The following BRSK2 variants were observed in gnomAD, a reference collection of about 807,000 sequenced individuals.
The protein encoded by BRSK2 is BR serine/threonine kinase 2, also known as serine/threonine-protein kinase BRSK2.
In BRSK2, 19 loss-of-function variants were observed where a neutral mutation model predicts 83.3. The observed-to-expected ratio is 0.23, with a 90% CI of 0.16 to 0.33. The LOEUF (loss-of-function observed/expected upper bound fraction) is 0.33. BRSK2 is among the 10% of genes least tolerant of loss of function. The probability of loss-of-function intolerance (pLI) is 1.00; values close to 1 mark genes in which losing one functional copy is unlikely to be tolerated. For missense variants in BRSK2, 798 were observed against 1,042.3 expected (o/e 0.77, Z 3.23); for synonymous variants, 519 against 435.4 (o/e 1.19, Z -2.39).
At chr11:1,429,591 C>T (rs1849735254) in intron 1 of BRSK2, among the ~76,000 whole-genome samples, 2 of 142,844 alleles carry the variant, frequency 1.4e-5, no homozygotes, top group Non-Finnish European at 3.1e-5. Flanking sequence ...CAGTGAGCGT[C>T]TTCTGCGGTC....
At chr11:1,409,113 G>A (rs953141695) in intron 1 of BRSK2, among the ~76,000 whole-genome samples, 27 of 152,132 alleles carry the variant, frequency 1.8e-4, no homozygotes, top group Non-Finnish European at 2.6e-4. Context: ...TGTGTGTGCC[G>A]TCTGACCCTG....
At chr11:1,440,381 G>A (rs763839331) in intron 3 of BRSK2, among the ~76,000 whole-genome samples, 10 of 152,110 alleles carry the variant, frequency 6.6e-5, no homozygotes, top group Non-Finnish European at 1.3e-4. Flanking sequence ...CGGTGCCTGT[G>A]CCACTGAGGA....
rs1246221170 is a variant in BRSK2, at chr11:1,449,805, G to A, written c.1256G>A (p.Gly419Asp). Residue 419 changes from glycine (G) to aspartate (D), a missense_variant, in exon 13 of 20, where the codon GGC (glycine) becomes GAC (aspartate). Coordinates refer to ENST00000528841, the MANE Select transcript of BRSK2 (RefSeq NM_001256627.2). ...RSRSISGASS[G>D]LSTSPLSSPR... The stretch of plus-strand genomic sequence containing the variant: ...CGGTCCATCAGCGGTGCCTCCTCAG[G>A]CCTTTCCACCAGCCCACTCAGCAGC... The A allele has an allele frequency of 1.3e-5, 21 of 1,612,102 alleles. No homozygotes were observed. Among genetic ancestry groups the A allele is most frequent in the Non-Finnish European group, 1.7e-5 (20 of 1,179,528 alleles).
intron 12 of BRSK2, chr11:1,447,723 C>T: frequency 1.4e-6 from 2 of 1,412,762 alleles, no homozygotes; most frequent in South Asian, 1.2e-5. Flanking sequence ...CCCGGTGTGG[C>T]CCGGGCCCTG....
intron 1 of BRSK2, chr11:1,411,674 G>C: frequency 6.5e-7 from 1 of 1,533,006 alleles, no homozygotes. Context: ...CCCCTCGAGG[G>C]AGGAGTGTGT....
intron 1 of BRSK2, among the ~76,000 whole-genome samples, chr11:1,392,039 G>A (rs750654800): frequency 2.6e-5 from 4 of 152,214 alleles, no homozygotes; most frequent in African/African-American, 7.2e-5. Context: ...GGCACAAAGC[G>A]GCCCCTCTCT....
chr11:1,454,551 C>A lies in BRSK2; in HGVS notation c.1611C>A (p.Val537=). The A allele has an allele frequency of 6.2e-7, 1 of 1,613,246 alleles. No individual in the cohort carries two copies. The highest frequency in any genetic ancestry group is 8.5e-7 in the Non-Finnish European group (1 of 1,179,928). Residue 537 remains valine (V), a synonymous_variant, in exon 16 of 20, where the codon GTC becomes GTA. Transcript: ENST00000528841. The surrounding 1 kb of genome is among the most constrained non-coding windows in gnomAD (Gnocchi z 5.2). ...SLEKEEQIFV[V]IKDKPLSSIK... ...AGAAGGAGGAGCAGATCTTCGTGGT[C>A]ATCAAAGACAAACCTCTGAGCTCCA...
intron 1 of BRSK2, among the ~76,000 whole-genome samples, chr11:1,391,503 G>T (rs979070641): frequency 6.6e-6 from 1 of 152,144 alleles, no homozygotes; most frequent in Non-Finnish European, 1.5e-5. Flanking sequence ...ATGTAACTAC[G>T]GCAGAGCTGC....
At chr11:1,405,452 G>T (rs1486367644) in intron 1 of BRSK2, among the ~76,000 whole-genome samples, 1 of 152,072 alleles carries the variant, frequency 6.6e-6, no homozygotes, top group Non-Finnish European at 1.5e-5. Flanking sequence ...GCTGGTGGCA[G>T]CCCCACTGCA....
rs1021594632 is a variant in BRSK2, at chr11:1,415,813, C to T, written c.92-20227C>T. Among the ~76,000 whole-genome samples the T allele has an allele frequency of 1.3e-4, 20 of 152,244 alleles. No homozygotes were observed. In the East Asian group the frequency reaches 1.9e-3, roughly 15 times the overall value. On this transcript the variant is annotated intron_variant, in intron 1 of 19. Transcript: ENST00000528841. ...CTTGGTCCCAGCAGAGGACTTGGAGCGGCTGCCCCTTCTGTTGCACGGGCT... is the reference window on the plus strand; with the variant it reads ...CTTGGTCCCAGCAGAGGACTTGGAGTGGCTGCCCCTTCTGTTGCACGGGCT...
chr11:1,411,027 T>TC (rs1847430234), intron 1 of BRSK2: 1 of 1,034,796 alleles, frequency 9.7e-7, no homozygotes, highest in African/African-American at 1.7e-5. Context: ...GTCTGCCTTT[T>TC]CTGCTCCCAT....
intron 19 of BRSK2, chr11:1,459,479 A>G: frequency 1.8e-6 from 1 of 550,190 alleles, no homozygotes; most frequent in Non-Finnish European, 3.3e-6. Context: ...CCCTAGGATC[A>G]GGGCAGGCCC....
chr11:1,436,154 GAGGCGGGGCCGGCGGT>G lies in BRSK2; in HGVS notation c.186+21_186+36del, dbSNP rs1564839032. 1.4e-5 allele frequency: 12 copies of G among 842,710 alleles called. No homozygotes were observed. Among genetic ancestry groups the G allele is most frequent in the South Asian group, 2.2e-5 (1 of 46,116 alleles). 52.2% of individuals were successfully genotyped at this position (842,710 alleles called of 1,614,324 possible). On this transcript the variant is annotated intron_variant, in intron 2 of 19. Transcript: ENST00000528841. ...ATGAAGGTGGGTGGGGCCGGGGAGG[GAGGCGGGGCCGGCGGT>G]GGGGTGGGGCGGGGAATAGCACAGG...
chr11:1,433,345 C>G (rs1027590023), intron 1 of BRSK2, among the ~76,000 whole-genome samples: 2 of 152,248 alleles, frequency 1.3e-5, no homozygotes, highest in East Asian at 3.9e-4. Flanking sequence ...TCATGATGCC[C>G]TGGGGCAGGG....
chr11:1,408,046 G>C (rs1847029886), intron 1 of BRSK2, among the ~76,000 whole-genome samples: 1 of 152,242 alleles, frequency 6.6e-6, no homozygotes, highest in Non-Finnish European at 1.5e-5. Flanking sequence ...CCTGGTCCCA[G>C]GTCCTTCCAC....
chr11:1,447,733 G>A, intron 12 of BRSK2: 2 of 1,503,498 alleles, frequency 1.3e-6, no homozygotes, highest in Non-Finnish European at 1.8e-6. Flanking sequence ...CCCGGGCCCT[G>A]GGGGCCGACC....
intron 1 of BRSK2, among the ~76,000 whole-genome samples, chr11:1,413,321 C>G (rs1382095994): frequency 6.6e-6 from 1 of 152,122 alleles, no homozygotes. Context: ...CCACCCCTCC[C>G]ACCCCTGCAG....
At chr11:1,441,000 CT>C in intron 4 of BRSK2, 72 bp downstream of exon 4, 1 of 1,404,040 alleles carries the variant, frequency 7.1e-7, no homozygotes. Context: ...CAGATGCCCC[CT>C]GTGCCCCAAG....
chr11:1,411,609 C>T (rs1847513247), intron 1 of BRSK2: 5 of 1,568,988 alleles, frequency 3.2e-6, no homozygotes, highest in Non-Finnish European at 3.4e-6. Context: ...CCAGACCTGG[C>T]TCTGCCTGCA....
Sources: gnomAD v4.1 joint callset for allele counts (sites outside exome capture counted in the v4.1 genomes callset) on GRCh38, gnomAD v4.1.1 for gene constraint, Gnocchi (gnomAD v3.1) non-coding constraint, MANE v1.5 for transcripts, NCBI Gene and HGNC (gene_info 2026-07-23, HGNC 2026-07-21) for gene names.